The following PPP2CA variants were observed in gnomAD, a reference collection of about 807,000 sequenced individuals.
PPP2CA encodes protein phosphatase 2 catalytic subunit alpha.
Under a neutral mutation model 38.8 loss-of-function variants are expected in PPP2CA, and 5 were observed. The observed-to-expected ratio is 0.13, with a 90% CI of 0.07 to 0.27. PPP2CA has a LOEUF of 0.27. Among genes scored for constraint, PPP2CA ranks in the 10% least tolerant of loss-of-function variants. PPP2CA has a pLI of 1.00. For missense variants in PPP2CA, 88 were observed against 389.7 expected, an observed-to-expected ratio of 0.23 and a Z score of 6.52; for synonymous variants, 152 against 134.0, an observed-to-expected ratio of 1.13 and a Z score of -0.93.
At chr5:134,204,084 C>G (rs1232361486) in intron 2 of PPP2CA, among the ~76,000 whole-genome samples, 1 of 152,172 alleles carries the variant, frequency 6.6e-6, no homozygotes, top group Admixed American at 6.5e-5. Flanking sequence ...CAGAAAATAA[C>G]GATCTCCAAA....
chr5:134,216,537 CAAA>C lies in PPP2CA; in HGVS notation c.102+9220_102+9222del, dbSNP rs748030385. On this transcript the variant is annotated intron_variant, in intron 1 of 6. Coordinates refer to ENST00000481195, the MANE Select transcript of PPP2CA (RefSeq NM_002715.4). The stretch of plus-strand genomic sequence containing the variant: ...CCTGGGCAACAGAGTGAGACTGCCT[CAAA>C]AAAAAAAAAAAAAAAAAGTGGTTTC... Among the ~76,000 whole-genome samples, 6 of 29,582 alleles carry C rather than the reference CAAA, an allele frequency of 2.0e-4. No individual in the cohort carries two copies. The East Asian group carries it at 3.4e-3, about 17-fold the overall frequency. 19.4% of individuals were successfully genotyped at this position (29,582 alleles called of 152,430 possible).
chr5:134,206,723 G>A (rs1762092252), intron 1 of PPP2CA, among the ~76,000 whole-genome samples: 1 of 152,138 alleles, frequency 6.6e-6, no homozygotes, highest in African/African-American at 2.4e-5. Flanking sequence ...CCAAGGGCTG[G>A]GATTACATGC....
Position 134,225,990 on chromosome 5 carries a change from C to T in PPP2CA, c.-129G>A. ...GGCGGCTGTTGAGGCTGGCGCTGGCCCGCTGGCTCTCACCGCAGTACTCGG... is the reference window on the plus strand; with the variant it reads ...GGCGGCTGTTGAGGCTGGCGCTGGCTCGCTGGCTCTCACCGCAGTACTCGG... On this transcript the variant is annotated 5_prime_UTR_variant, in exon 1 of 7. Transcript: ENST00000481195. The T allele has an allele frequency of 1.3e-6, 1 of 789,560 alleles. No homozygotes were observed. 48.9% of individuals were successfully genotyped at this position (789,560 alleles called of 1,614,324 possible).
At chr5:134,212,477 C>A (rs1030179731) in intron 1 of PPP2CA, among the ~76,000 whole-genome samples, 1 of 152,190 alleles carries the variant, frequency 6.6e-6, no homozygotes, top group African/African-American at 2.4e-5. Context: ...CTGCTGCTGA[C>A]TGGCCATTCT....
At chr5:134,204,018 T>C (rs1762023850) in intron 2 of PPP2CA, among the ~76,000 whole-genome samples, 1 of 152,240 alleles carries the variant, frequency 6.6e-6, no homozygotes, top group Non-Finnish European at 1.5e-5. Flanking sequence ...TCATAGTATT[T>C]GGAGTCACCG....
intron 1 of PPP2CA, among the ~76,000 whole-genome samples, chr5:134,225,072 G>A (rs1413833815): frequency 1.3e-5 from 2 of 152,198 alleles, no homozygotes; most frequent in Non-Finnish European, 2.9e-5. Context: ...AGCTCCTTAT[G>A]TAGTATGACT....
At chr5:134,205,899 C>T in intron 2 of PPP2CA, 23 bp downstream of exon 2, 3 of 1,592,518 alleles carry the variant, frequency 1.9e-6, no homozygotes, top group Non-Finnish European at 2.6e-6. Flanking sequence ...TTTCAACATG[C>T]CCCAACATAA....
At chr5:134,220,684 C>G (rs1397248967) in intron 1 of PPP2CA, among the ~76,000 whole-genome samples, 1 of 152,118 alleles carries the variant, frequency 6.6e-6, no homozygotes, top group Non-Finnish European at 1.5e-5. Context: ...CCCACCAAAC[C>G]CAGTCTCTTA....
rs562657205 is a variant in PPP2CA at position 134,223,024 on chromosome 5, A to G, written c.102+2736T>C. On this transcript the variant is annotated intron_variant, in intron 1 of 6. Transcript: ENST00000481195. ...AATAATGGCCTCAGGATTTTTTAGT[A>G]ACAATGACCTCTTATGGTATACATC... 9.9e-5 allele frequency among the ~76,000 whole-genome samples: 15 copies of G among 152,212 alleles called. No homozygotes were observed. The South Asian group carries it at 3.1e-3, about 32-fold the overall frequency.
intron 5 of PPP2CA, chr5:134,199,439 T>TAAAAAAA (rs11372222): frequency 4.0e-6 from 1 of 246,960 alleles, no homozygotes; most frequent in Non-Finnish European, 7.7e-6. Context: ...TTTAGTACTT[T>TAAAAAAA]AAAAAAAAAA....
rs940374510 is a variant in PPP2CA, at chr5:134,216,464, C to T, written c.102+9296G>A. Among the ~76,000 whole-genome samples the T allele has an allele frequency of 1.3e-4, 19 of 141,042 alleles. No individual in the cohort carries two copies. The Admixed American group carries it at 1.4e-3, about 11-fold the overall frequency. 92.5% of individuals were successfully genotyped at this position (141,042 alleles called of 152,430 possible). On this transcript the variant is annotated intron_variant, in intron 1 of 6. Coordinates refer to ENST00000481195, the MANE Select transcript of PPP2CA (RefSeq NM_002715.4). ...CTGAAGCTGGAGAATCACTTGAACCCATGAGGCGGAGGTTGCAGTGGGCTG... is the reference window on the plus strand; with the variant it reads ...CTGAAGCTGGAGAATCACTTGAACCTATGAGGCGGAGGTTGCAGTGGGCTG...
At chr5:134,215,448 G>C (rs908624452) in intron 1 of PPP2CA, among the ~76,000 whole-genome samples, 1 of 152,024 alleles carries the variant, frequency 6.6e-6, no homozygotes, top group Admixed American at 6.6e-5. Flanking sequence ...GGTAGCCCTC[G>C]CCTGTGGTCC....
Position 134,197,615 on chromosome 5 carries a change from G to C in PPP2CA, c.*157C>G. On this transcript the variant is annotated 3_prime_UTR_variant, in exon 7 of 7. Transcript: ENST00000481195. ...GTGGTCACGGCTGTTGATGACAAGA[G>C]GCTTTGTATTTTTATATGGCACATC... 1 of 625,208 alleles carries C rather than the reference G, an allele frequency of 1.6e-6. No homozygotes were observed. Among genetic ancestry groups the C allele is most frequent in the Non-Finnish European group, 2.9e-6 (1 of 350,170 alleles). 38.7% of individuals were successfully genotyped at this position (625,208 alleles called of 1,614,324 possible).
rs1761882220 is a variant in PPP2CA at position 134,197,639 on chromosome 5, TC to T, written c.*132del. 1 of 691,498 alleles carries T rather than the reference TC, an allele frequency of 1.4e-6. No homozygotes were observed. The highest frequency in any genetic ancestry group is 1.8e-5 in the South Asian group (1 of 54,864). 42.8% of individuals were successfully genotyped at this position (691,498 alleles called of 1,614,324 possible). A position where few individuals can be genotyped will look rare whatever the true frequency, so the allele number is the denominator to read the frequency against. On this transcript the variant is annotated 3_prime_UTR_variant, in exon 7 of 7. Transcript: ENST00000481195. ...AGGCTTTGTATTTTTATATGGCACA[TC>T]TTTTGGTCCATGTGAAAACAAGTTT...
chr5:134,224,625 C>G (rs774301453), intron 1 of PPP2CA, among the ~76,000 whole-genome samples: 4 of 152,208 alleles, frequency 2.6e-5, no homozygotes, highest in Non-Finnish European at 4.4e-5. Context: ...AAAATGTTCA[C>G]AGCAGAGATC....
chr5:134,200,238 G>C, intron 5 of PPP2CA, 97 bp downstream of exon 5: 1 of 1,336,028 alleles, frequency 7.5e-7, no homozygotes, highest in Admixed American at 2.7e-5. Context: ...GGAATAGATG[G>C]AATTTCTCAC....
chr5:134,209,018 T>A lies in PPP2CA; in HGVS notation c.103-2887A>T, dbSNP rs532015641. Among the ~76,000 whole-genome samples, 11 of 152,272 alleles carry A rather than the reference T, an allele frequency of 7.2e-5. No individual in the cohort carries two copies. The East Asian group carries it at 2.1e-3, about 29-fold the overall frequency. On this transcript the variant is annotated intron_variant, in intron 1 of 6. Coordinates refer to ENST00000481195, the MANE Select transcript of PPP2CA (RefSeq NM_002715.4). Reference sequence around the variant, plus strand: ...CTCTGTATACATATGCAGGCACATTTCCTGAGAGAAGATACTATGAAGTGA... The same window carrying A: ...CTCTGTATACATATGCAGGCACATTACCTGAGAGAAGATACTATGAAGTGA...
intron 1 of PPP2CA, among the ~76,000 whole-genome samples, chr5:134,213,128 A>T (rs1237280399): frequency 6.6e-6 from 1 of 152,228 alleles, no homozygotes; most frequent in Non-Finnish European, 1.5e-5. Context: ...TAGTGGAAGA[A>T]GATGCCACTT....
intron 1 of PPP2CA, among the ~76,000 whole-genome samples, chr5:134,207,879 T>G (rs1466309799): frequency 6.6e-6 from 1 of 152,156 alleles, no homozygotes; most frequent in Non-Finnish European, 1.5e-5. Flanking sequence ...GTACAACCCA[T>G]TATTATCAAA....
Sources: gnomAD v4.1 joint callset for allele counts (sites outside exome capture counted in the v4.1 genomes callset) on GRCh38, gnomAD v4.1.1 for gene constraint, MANE v1.5 for transcripts, NCBI Gene and HGNC (gene_info 2026-07-23, HGNC 2026-07-21) for gene names.